Variants in CSMD3 observed in about 807,000 individuals in gnomAD.
The protein encoded by CSMD3 is CUB and sushi domain-containing protein 3.
A neutral mutation model predicts 435.2 loss-of-function variants in CSMD3; 177 were observed. That is an observed-to-expected ratio of 0.41 (90% confidence interval 0.36 to 0.46). CSMD3 has a LOEUF of 0.46. Ranked by LOEUF, CSMD3 falls within the 20% of genes least tolerant of loss-of-function variation. The pLI is 0.34. For missense variants in CSMD3, 4,265 were observed against 4,504.6 expected, an observed-to-expected ratio of 0.95 and a Z score of 1.52; for synonymous variants, 1,656 against 1,520.5, an observed-to-expected ratio of 1.09 and a Z score of -2.07.
chr8:112,864,242 TTTGTTG>T (rs145869978), intron 10 of CSMD3, among the ~76,000 whole-genome samples: 5 of 151,660 alleles, frequency 3.3e-5, no homozygotes, highest in Non-Finnish European at 5.9e-5. Flanking sequence ...TTGTTTTTGT[TTTGTTG>T]TTGTTGTTGT....
chr8:113,308,419 A>C (rs953277553), intron 2 of CSMD3, among the ~76,000 whole-genome samples: 1 of 151,268 alleles, frequency 6.6e-6, no homozygotes, highest in Non-Finnish European at 1.5e-5. Context: ...CAGGCGCCCA[A>C]CACCACGCCC....
chr8:113,326,552 T>G (rs917730459), intron 1 of CSMD3, among the ~76,000 whole-genome samples: 1 of 152,172 alleles, frequency 6.6e-6, no homozygotes, highest in Non-Finnish European at 1.5e-5. Context: ...ATCTCTACAA[T>G]AAGCTTGTGA....
chr8:113,039,300 T>C (rs1160444000), intron 5 of CSMD3, among the ~76,000 whole-genome samples: 1 of 152,176 alleles, frequency 6.6e-6, no homozygotes, highest in East Asian at 1.9e-4. Flanking sequence ...ATCTTATACA[T>C]ATTTGTATTT....
intron 4 of CSMD3, among the ~76,000 whole-genome samples, chr8:113,139,733 C>G (rs900458623): frequency 1.3e-5 from 2 of 151,092 alleles, no homozygotes; most frequent in Admixed American, 6.6e-5. Context: ...TATAAAAGCT[C>G]TAAATACACC....
chr8:113,249,807 A>T (rs2132291937), intron 3 of CSMD3, among the ~76,000 whole-genome samples: 1 of 152,136 alleles, frequency 6.6e-6, no homozygotes, highest in Admixed American at 6.6e-5. Flanking sequence ...TTCCTGAAAA[A>T]GAAGAAGTAA....
chr8:113,210,044 G>GTGTGTGTGTGTGTA (rs57446626), intron 3 of CSMD3, among the ~76,000 whole-genome samples: 46 of 149,452 alleles, frequency 3.1e-4, no homozygotes, highest in East Asian at 1.8e-3. Context: ...GTGTGTGTGT[G>GTGTGTGTGTGTGTA]TGATACACAG....
At chr8:113,079,276 TC>T (rs2089463577) in intron 5 of CSMD3, among the ~76,000 whole-genome samples, 1 of 152,136 alleles carries the variant, frequency 6.6e-6, no homozygotes, top group Non-Finnish European at 1.5e-5. Context: ...GAAAATACAT[TC>T]CTAGCAAATT....
At chr8:112,496,770 G>A (rs1339752591) in intron 30 of CSMD3, among the ~76,000 whole-genome samples, 1 of 152,082 alleles carries the variant, frequency 6.6e-6, no homozygotes, top group Non-Finnish European at 1.5e-5. Flanking sequence ...GGAGTTAGAG[G>A]GTAGAAGGAT....
At chr8:113,141,030 G>A (rs1193205379) in intron 4 of CSMD3, among the ~76,000 whole-genome samples, 1 of 150,546 alleles carries the variant, frequency 6.6e-6, no homozygotes, top group Non-Finnish European at 1.5e-5. Flanking sequence ...AGACCCTGAA[G>A]ATAGAAAAAA....
chr8:113,124,372 T>C (rs565121673), intron 4 of CSMD3, among the ~76,000 whole-genome samples: 2 of 152,064 alleles, frequency 1.3e-5, no homozygotes, highest in Admixed American at 1.3e-4. Flanking sequence ...GGCATCAAAA[T>C]AATTTTTTTC....
chr8:113,121,208 T>C (rs1003004442), intron 4 of CSMD3, among the ~76,000 whole-genome samples: 7 of 152,016 alleles, frequency 4.6e-5, no homozygotes, highest in Admixed American at 4.6e-4. Context: ...AAAGGAAACC[T>C]CTACTAAAAA....
intron 31 of CSMD3, among the ~76,000 whole-genome samples, chr8:112,483,566 G>A (rs1819835441): frequency 6.6e-6 from 1 of 152,154 alleles, no homozygotes; most frequent in Non-Finnish European, 1.5e-5. Context: ...AGGACAGAGG[G>A]AAATACAAAC....
rs533472141 is a variant in CSMD3, at chr8:113,387,482, C to T, written c.178+49195G>A. 4.0e-5 allele frequency among the ~76,000 whole-genome samples: 6 copies of T among 151,826 alleles called. No individual in the cohort carries two copies. In the East Asian group the frequency reaches 9.6e-4, roughly 24 times the overall value. On this transcript the variant is annotated intron_variant, in intron 1 of 70. Coordinates refer to ENST00000297405, the MANE Select transcript of CSMD3 (RefSeq NM_198123.2). ...AAAGATAAATAAGATAAAATCCATACTTTCGAAGTATTCATAATAAATTTT... is the reference window on the plus strand; with the variant it reads ...AAAGATAAATAAGATAAAATCCATATTTTCGAAGTATTCATAATAAATTTT...
chr8:112,597,750 G>A (rs1422199191), intron 22 of CSMD3, among the ~76,000 whole-genome samples: 1 of 132,964 alleles, frequency 7.5e-6, no homozygotes, highest in Non-Finnish European at 1.6e-5. Flanking sequence ...CATATAAACA[G>A]AGCCAAAGAC....
intron 1 of CSMD3, among the ~76,000 whole-genome samples, chr8:113,389,131 T>C (rs902858709): frequency 2.6e-5 from 4 of 151,582 alleles, no homozygotes; most frequent in African/African-American, 9.7e-5. Flanking sequence ...ATGATGAAAA[T>C]CTACTCACCT....
chr8:112,560,304 C>A (rs1221038714), intron 24 of CSMD3, among the ~76,000 whole-genome samples: 1 of 151,670 alleles, frequency 6.6e-6, no homozygotes, highest in Admixed American at 6.6e-5. Context: ...CCTTTGAATT[C>A]ATTTGCAATG....
At chr8:113,398,588 TG>T (rs1206276690) in intron 1 of CSMD3, among the ~76,000 whole-genome samples, 1 of 152,172 alleles carries the variant, frequency 6.6e-6, no homozygotes, top group Non-Finnish European at 1.5e-5. Flanking sequence ...TGGGAAGAAA[TG>T]GCACTTTTCC....
intron 2 of CSMD3, among the ~76,000 whole-genome samples, chr8:113,302,059 T>C (rs2093773087): frequency 6.6e-6 from 1 of 151,264 alleles, no homozygotes; most frequent in South Asian, 2.1e-4. Context: ...AGTCTTCTTA[T>C]TCATCACTCC....
chr8:112,274,952 A>G (rs936546769), intron 59 of CSMD3, among the ~76,000 whole-genome samples: 1 of 152,146 alleles, frequency 6.6e-6, no homozygotes, highest in Non-Finnish European at 1.5e-5. Flanking sequence ...TGTTTGTAAC[A>G]TTGACTAAGT....
Sources: allele counts gnomAD v4.1 joint callset (sites outside exome capture counted in the v4.1 genomes callset), GRCh38; gene constraint gnomAD v4.1.1; transcripts MANE v1.5; gene names NCBI Gene and HGNC (gene_info 2026-07-23, HGNC 2026-07-21).